Variants in CDKAL1 observed in about 807,000 individuals in gnomAD.
CDKAL1 encodes the protein CDKAL1 threonylcarbamoyladenosine tRNA methylthiotransferase, also known as threonylcarbamoyladenosine tRNA methylthiotransferase.
In CDKAL1, 32 loss-of-function variants were observed where a neutral mutation model predicts 68.2. The observed-to-expected ratio is 0.47, with a 90% CI of 0.35 to 0.63. CDKAL1 has a LOEUF of 0.63. Among genes scored for constraint, CDKAL1 ranks in the 30% least tolerant of loss-of-function variants. CDKAL1 has a pLI of 0.00. For missense variants in CDKAL1, 606 were observed against 696.7 expected (o/e 0.87, Z 1.47); for synonymous variants, 234 against 244.3 (o/e 0.96, Z 0.39).
chr6:20,725,783 T>TAAAAAAAA (rs67587689), intron 5 of CDKAL1, among the ~76,000 whole-genome samples: 4 of 99,082 alleles, frequency 4.0e-5, no homozygotes, highest in African/African-American at 1.2e-4. Flanking sequence ...AAACTCCGTC[T>TAAAAAAAA]AAAAAAAAAA....
chr6:20,609,041 GTCTGTGTCTTTA>G (rs1218902382), intron 4 of CDKAL1, among the ~76,000 whole-genome samples: 1 of 152,172 alleles, frequency 6.6e-6, no homozygotes, highest in Non-Finnish European at 1.5e-5. Flanking sequence ...TTGATTTCAT[GTCTGTGTCTTTA>G]TCTGTGTTAC....
chr6:21,134,593 C>T lies in CDKAL1; in HGVS notation c.1299+26130C>T, dbSNP rs531622012. Among the ~76,000 whole-genome samples, 9 of 152,150 alleles carry T rather than the reference C, an allele frequency of 5.9e-5. No individual in the cohort carries two copies. In the East Asian group the frequency reaches 9.7e-4, roughly 16 times the overall value. On this transcript the variant is annotated intron_variant, in intron 13 of 15. Coordinates refer to ENST00000274695, the MANE Select transcript of CDKAL1 (RefSeq NM_017774.3). ...GCTGCGGAATACAAAACATAATCCA[C>T]GCTGTAACAGTAATCAGTCATCGAA...
At chr6:20,705,259 CT>C (rs1486050996) in intron 5 of CDKAL1, among the ~76,000 whole-genome samples, 4 of 152,244 alleles carry the variant, frequency 2.6e-5, no homozygotes, top group Admixed American at 1.3e-4. Flanking sequence ...AAATAACTGA[CT>C]TTTTTTCATT....
intron 9 of CDKAL1, among the ~76,000 whole-genome samples, chr6:20,888,114 G>C (rs1209118083): frequency 6.6e-6 from 1 of 151,218 alleles, no homozygotes; most frequent in Non-Finnish European, 1.5e-5. Context: ...TCCTAATGCT[G>C]TCCCTCCCGC....
At chr6:21,182,963 TA>T (rs1249520332) in intron 13 of CDKAL1, among the ~76,000 whole-genome samples, 4 of 152,192 alleles carry the variant, frequency 2.6e-5, no homozygotes, top group Non-Finnish European at 5.9e-5. Context: ...ATATCCTCAT[TA>T]AGATGATGGG....
chr6:21,086,209 A>G (rs10806931), intron 12 of CDKAL1, among the ~76,000 whole-genome samples: 20,443 of 152,228 alleles, frequency 0.13, 1,767 homozygotes, highest in East Asian at 0.27. Context: ...GACACAATTA[A>G]TGGTGGACTT....
intron 12 of CDKAL1, among the ~76,000 whole-genome samples, chr6:21,068,339 T>G (rs1398893401): frequency 1.3e-5 from 2 of 152,218 alleles, no homozygotes; most frequent in Non-Finnish European, 2.9e-5. Flanking sequence ...TTTATCATTT[T>G]GCCTTTTACC....
At chr6:20,841,969 T>C (rs149992316) in intron 8 of CDKAL1, among the ~76,000 whole-genome samples, 1,728 of 152,316 alleles carry the variant, frequency 0.011, 31 homozygotes, top group African/African-American at 0.038. Context: ...TCAACAGCCA[T>C]CTCATTTTGG....
intron 9 of CDKAL1, among the ~76,000 whole-genome samples, chr6:20,948,644 C>G (rs1210980148): frequency 6.6e-6 from 1 of 152,130 alleles, no homozygotes; most frequent in Non-Finnish European, 1.5e-5. Flanking sequence ...TAGCGTTGAG[C>G]CTGTTGTGAT....
At position 21,108,602 on chromosome 6, in the gene CDKAL1, TC is replaced by T. The variant is rs1286047580; in HGVS notation, c.1299+142del. 5.5e-6 allele frequency: 3 copies of T among 545,214 alleles called. No individual in the cohort carries two copies. In the East Asian group the frequency reaches 9.8e-5, roughly 18 times the overall value. The allele number at this position is 545,214 out of a possible 1,614,324, so 33.8% of individuals were successfully genotyped here. A position where few individuals can be genotyped will look rare whatever the true frequency, so the allele number is the denominator to read the frequency against. ...TCAATTTAAATTTTTTAGCTCTTTA[TC>T]CCTTTTAAAGAAAACAGAAATGTTA... On this transcript the variant is annotated intron_variant, in intron 13 of 15. Coordinates refer to ENST00000274695, the MANE Select transcript of CDKAL1 (RefSeq NM_017774.3).
chr6:20,865,766 C>A (rs2150531264), intron 9 of CDKAL1, among the ~76,000 whole-genome samples: 1 of 152,222 alleles, frequency 6.6e-6, no homozygotes, highest in East Asian at 1.9e-4. Flanking sequence ...ATTGGTTCTG[C>A]CACATATACT....
intron 8 of CDKAL1, among the ~76,000 whole-genome samples, chr6:20,824,097 G>A (rs1777400885): frequency 1.3e-5 from 2 of 152,056 alleles, no homozygotes; most frequent in Admixed American, 1.3e-4. Context: ...TTCAAGCATG[G>A]ATAGAACAAC....
chr6:20,830,267 A>G (rs186465936), intron 8 of CDKAL1, among the ~76,000 whole-genome samples: 15 of 152,348 alleles, frequency 9.8e-5, no homozygotes, highest in Middle Eastern at 3.4e-3. Context: ...GATAGTAGAC[A>G]TATGACTCTC....
chr6:21,224,990 C>T (rs1779682791), intron 15 of CDKAL1, among the ~76,000 whole-genome samples: 2 of 152,164 alleles, frequency 1.3e-5, no homozygotes, highest in Admixed American at 6.5e-5. Context: ...TAGTAAGTAA[C>T]AGGTAGCAAT....
chr6:20,718,886 T>C (rs566450111), intron 5 of CDKAL1, among the ~76,000 whole-genome samples: 1 of 152,366 alleles, frequency 6.6e-6, no homozygotes, highest in East Asian at 1.9e-4. Flanking sequence ...CATCTACTAC[T>C]GTGGTATTTC....
chr6:20,810,333 T>A lies in CDKAL1; in HGVS notation c.638+29068T>A, dbSNP rs147155257. Among the ~76,000 whole-genome samples the A allele has an allele frequency of 5.3e-5, 8 of 151,876 alleles. No homozygotes were observed. In the East Asian group the frequency reaches 1.6e-3, roughly 30 times the overall value. On this transcript the variant is annotated intron_variant, in intron 8 of 15. Transcript: ENST00000274695. ...ATTTAATTAGTTAATATACCAGTTA[T>A]GTGTTTGAGACCAGCCTGGGCAACA...
At chr6:21,172,661 G>T (rs190366250) in intron 13 of CDKAL1, among the ~76,000 whole-genome samples, 10 of 152,308 alleles carry the variant, frequency 6.6e-5, no homozygotes, top group Admixed American at 2.6e-4. Context: ...GAAGGCTGAG[G>T]GGGGAGGATC....
At chr6:20,748,694 G>C (rs1773780257) in intron 6 of CDKAL1, among the ~76,000 whole-genome samples, 1 of 150,890 alleles carries the variant, frequency 6.6e-6, no homozygotes, top group Non-Finnish European at 1.5e-5. Flanking sequence ...AGCATACCAA[G>C]GATATGCACT....
intron 7 of CDKAL1, among the ~76,000 whole-genome samples, chr6:20,764,555 T>C (rs1476054895): frequency 1.3e-5 from 2 of 152,196 alleles, no homozygotes; most frequent in Non-Finnish European, 2.9e-5. Context: ...GTTTTGTATT[T>C]TGCATGTGGT....
Sources: allele counts gnomAD v4.1 joint callset (sites outside exome capture counted in the v4.1 genomes callset), GRCh38; gene constraint gnomAD v4.1.1; transcripts MANE v1.5; gene names NCBI Gene and HGNC (gene_info 2026-07-23, HGNC 2026-07-21).